Variants in DDR1 observed in about 807,000 individuals in gnomAD.
DDR1 encodes the protein discoidin domain receptor tyrosine kinase 1.
In DDR1, 64 loss-of-function variants were observed where a neutral mutation model predicts 97.4. The ratio of observed to expected loss-of-function variants is 0.66; its 90% CI spans 0.54 to 0.81. The LOEUF is 0.81. DDR1 is among the 30% of genes least tolerant of loss of function. The pLI, the probability that DDR1 is intolerant of heterozygous loss-of-function variation, is 0.00. For missense variants in DDR1, 990 were observed against 1,259.6 expected (o/e 0.79, Z 3.24); for synonymous variants, 458 against 503.7 (o/e 0.91, Z 1.21).
chr6:30,896,781 A>T lies in DDR1; in HGVS notation c.1785A>T (p.Ala595=). ...TYAVPALPPG[A]VGDGPPRVDF... ...CTGTGCCTGCACTGCCCCCAGGGGC[A>T]GTCGGGGATGGGCCCCCCAGAGTGG... Residue 595 remains alanine (A), a synonymous_variant, in exon 13 of 18, where the codon GCA becomes GCT. Transcript: ENST00000376568. 6.3e-7 allele frequency: 1 copy of T among 1,583,204 alleles called. No homozygotes were observed. The highest frequency in any genetic ancestry group is 8.6e-7 in the Non-Finnish European group (1 of 1,163,002).
rs2150386283 is a variant in DDR1 at position 30,894,180 on chromosome 6, A to G, written c.1348-326A>G. Reference sequence around the variant, plus strand: ...ATGAATCTCTTGAACCTGGGAGGCGAAGGTTGCAGTGAGCTGAGATCATGC... The same window carrying G: ...ATGAATCTCTTGAACCTGGGAGGCGGAGGTTGCAGTGAGCTGAGATCATGC... On this transcript the variant is annotated intron_variant, in intron 10 of 17. Coordinates refer to ENST00000376568, the MANE Select transcript of DDR1 (RefSeq NM_001297654.2). This position sits in a 1 kb window ranked among gnomAD's most constrained non-coding sequence, Gnocchi z 5.7. Among the ~76,000 whole-genome samples the G allele has an allele frequency of 6.6e-6, 1 of 152,148 alleles. No individual in the cohort carries two copies. The highest frequency in any genetic ancestry group is 1.9e-4 in the East Asian group (1 of 5,176).
rs2150344205 is a variant in DDR1 at position 30,891,809 on chromosome 6, A to T, written c.666-193A>T. Among the ~76,000 whole-genome samples the T allele has an allele frequency of 6.6e-6, 1 of 152,188 alleles. No homozygotes were observed. On this transcript the variant is annotated intron_variant, in intron 6 of 17. Transcript: ENST00000376568. This position sits in a 1 kb window ranked among gnomAD's most constrained non-coding sequence, Gnocchi z 5.3. Reference sequence around the variant, plus strand: ...TTGTGCTGGATGTGACCTGCAAGGTACCTGTAGTGCTGGGGTGGGGTGGAG... The same window carrying T: ...TTGTGCTGGATGTGACCTGCAAGGTTCCTGTAGTGCTGGGGTGGGGTGGAG...
chr6:30,889,102 A>G lies in DDR1; in HGVS notation c.188+92A>G. The G allele has an allele frequency of 6.3e-7, 1 of 1,577,452 alleles. No individual in the cohort carries two copies. Among genetic ancestry groups the G allele is most frequent in the Non-Finnish European group, 8.7e-7 (1 of 1,148,918 alleles). ...CCAACCCCTCTGCCCATGCCAGTGA[A>G]ACCCCTGCAGGCTGAGGGGGCAAAT... On this transcript the variant is annotated intron_variant, in intron 3 of 17. Transcript: ENST00000376568. This position sits in a 1 kb window ranked among gnomAD's most constrained non-coding sequence, Gnocchi z 4.9.
At position 30,889,727 on chromosome 6, in the gene DDR1, G is replaced by A. The variant is rs1787321624; in HGVS notation, c.417+297G>A. On this transcript the variant is annotated intron_variant, in intron 4 of 17. Coordinates refer to ENST00000376568, the MANE Select transcript of DDR1 (RefSeq NM_001297654.2). This position sits in a 1 kb window ranked among gnomAD's most constrained non-coding sequence, Gnocchi z 4.9. The stretch of plus-strand genomic sequence containing the variant: ...CCAAAGTGCTGGGATTACAAGCACT[G>A]TAGCCAGCCACCTAGATGTCTAATA... Among the ~76,000 whole-genome samples, 1 of 151,648 alleles carries A rather than the reference G, an allele frequency of 6.6e-6. No homozygotes were observed. Among genetic ancestry groups the A allele is most frequent in the Non-Finnish European group, 1.5e-5 (1 of 67,946 alleles).
In DDR1 at chr6:30,885,965, G is replaced by A. The variant is rs149936451; in HGVS notation, c.-43+1255G>A. ...GGTTGTAATGGAGTGGAAGGGGGTG[G>A]GATTGGGGAAGGTCTTCTGGGCTTG... On this transcript the variant is annotated intron_variant, in intron 1 of 17. Transcript: ENST00000376568. Among the ~76,000 whole-genome samples, 5 of 152,180 alleles carry A rather than the reference G, an allele frequency of 3.3e-5. No homozygotes were observed. The East Asian group carries it at 7.7e-4, about 23-fold the overall frequency.
At chr6:30,885,888 A>G in intron 1 of DDR1, 2 of 1,219,890 alleles carry the variant, frequency 1.6e-6, no homozygotes, top group Admixed American at 2.3e-5. Context: ...GGGGGTTGGG[A>G]GAGGAGCGTG....
At position 30,892,341 on chromosome 6, in the gene DDR1, G is replaced by C. The variant is rs138102816; in HGVS notation, c.898G>C (p.Gly300Arg). ...CACGCTGGGAGCCCGTCTGCCTGGC[G>C]GGGTGGAATGTCGCTTCCGGCGTGG... ...MHTLGARLPG[G>R]VECRFRRGPA... is the part of the protein sequence containing the mutation. Residue 300 changes from glycine to arginine, a missense_variant, in exon 8 of 18, where the codon GGG (glycine) becomes CGG (arginine). By Grantham distance (125) the Gly-to-Arg change is moderately radical (BLOSUM62 -2). Coordinates refer to ENST00000376568, the MANE Select transcript of DDR1 (RefSeq NM_001297654.2). 6.3e-7 allele frequency: 1 copy of C among 1,577,694 alleles called. No individual in the cohort carries two copies. The highest frequency in any genetic ancestry group is 1.1e-5 in the South Asian group (1 of 87,146).
chr6:30,894,582 G>A lies in DDR1; in HGVS notation c.1424G>A (p.Arg475His), dbSNP rs748609770. ...VPGDTILINN[R>H]PGPREPPPYQ... ...GGGGACACTATCCTCATCAACAACC[G>A]CCCAGGTCCTAGAGAGCCACCCCCG... Residue 475 changes from arginine to histidine, a missense_variant, in exon 11 of 18, where the codon CGC becomes CAC. Arg to His is a conservative substitution (Grantham distance 29). Coordinates refer to ENST00000376568, the MANE Select transcript of DDR1 (RefSeq NM_001297654.2). This position sits in a 1 kb window ranked among gnomAD's most constrained non-coding sequence, Gnocchi z 5.7. 9.9e-6 allele frequency: 16 copies of A among 1,613,304 alleles called. No individual in the cohort carries two copies. Among genetic ancestry groups the A allele is most frequent in the East Asian group, 2.2e-5 (1 of 44,858 alleles).
In DDR1 at chr6:30,899,820, C is replaced by G. The variant is rs989914920; in HGVS notation, c.*524C>G. The G allele has an allele frequency of 3.5e-5, 13 of 370,946 alleles. No homozygotes were observed. Among genetic ancestry groups the G allele is most frequent in the Non-Finnish European group, 6.6e-5 (13 of 198,304 alleles). The allele number at this position is 370,946 out of a possible 1,614,324, so 23.0% of individuals were successfully genotyped here. Reference sequence around the variant, plus strand: ...TTGTCCTCAGCTTGGGCTTCTTCCTCCTCCATCACCTGAAACACTGGACCT... The same window carrying G: ...TTGTCCTCAGCTTGGGCTTCTTCCTGCTCCATCACCTGAAACACTGGACCT... On this transcript the variant is annotated 3_prime_UTR_variant, in exon 18 of 18. Coordinates refer to ENST00000376568, the MANE Select transcript of DDR1 (RefSeq NM_001297654.2).
rs913896746 is a variant in DDR1, at chr6:30,889,823, C to G, written c.417+393C>G. ...CATTCCCAGCCTAAACCTGCTCCTCCCCTGGCATTCTCCAGCTCAGGAAGT... is the reference window on the plus strand; with the variant it reads ...CATTCCCAGCCTAAACCTGCTCCTCGCCTGGCATTCTCCAGCTCAGGAAGT... On this transcript the variant is annotated intron_variant, in intron 4 of 17. Transcript: ENST00000376568. This position sits in a 1 kb window ranked among gnomAD's most constrained non-coding sequence, Gnocchi z 4.9. Among the ~76,000 whole-genome samples the G allele has an allele frequency of 6.6e-6, 1 of 152,178 alleles. No homozygotes were observed. The highest frequency in any genetic ancestry group is 2.4e-5 in the African/African-American group (1 of 41,428).
rs753959680 is a variant in DDR1 at position 30,898,114 on chromosome 6, G to T, written c.2258G>T (p.Gly753Val). Reference protein sequence around the residue: ...LLHVAAQIASGMRYLATLNFV... With the variant: ...LLHVAAQIASVMRYLATLNFV... ...CATGTGGCAGCCCAGATCGCCTCCG[G>T]CATGCGCTATCTGGCCACACTCAAC... The change falls in exon 16 of 18, where the codon GGC becomes GTC. Residue 753 changes from glycine to valine, a missense_variant. Physicochemically the swap from Gly to Val is moderately radical, Grantham distance 109. Transcript: ENST00000376568. 6.2e-7 allele frequency: 1 copy of T among 1,614,132 alleles called. No homozygotes were observed. The highest frequency in any genetic ancestry group is 8.5e-7 in the Non-Finnish European group (1 of 1,180,046).
At position 30,891,351 on chromosome 6, in the gene DDR1, C is replaced by T. The variant is rs775854466; in HGVS notation, c.566-29C>T. 6.3e-7 allele frequency: 1 copy of T among 1,579,888 alleles called. No individual in the cohort carries two copies. The highest frequency in any genetic ancestry group is 1.1e-5 in the South Asian group (1 of 89,818). On this transcript the variant is annotated intron_variant, in intron 5 of 17. Coordinates refer to ENST00000376568, the MANE Select transcript of DDR1 (RefSeq NM_001297654.2). This position sits in a 1 kb window ranked among gnomAD's most constrained non-coding sequence, Gnocchi z 5.3. ...GATGGGGGATGGAGCCTTAGTGCCT[C>T]TGACCCCCATCCTCTCACCCTGCCC...
chr6:30,893,626 G>C (rs1789515245), intron 10 of DDR1, among the ~76,000 whole-genome samples: 1 of 152,252 alleles, frequency 6.6e-6, no homozygotes, highest in Admixed American at 6.5e-5. Context: ...GCGGAGAGGA[G>C]CAAATACCAC....
rs367606595 is a variant in DDR1 at position 30,891,056 on chromosome 6, C to T, written c.501C>T (p.Tyr167=). ...PPMVARLVRF[Y]PRADRVMSVC... ...TGGTTGCCCGACTGGTTCGCTTCTACCCCCGGGCTGACCGGGTCATGAGCG... is the reference window on the plus strand; with the variant it reads ...TGGTTGCCCGACTGGTTCGCTTCTATCCCCGGGCTGACCGGGTCATGAGCG... The change falls in exon 5 of 18, where the codon TAC becomes TAT. Residue 167 remains tyrosine, a synonymous_variant. Coordinates refer to ENST00000376568, the MANE Select transcript of DDR1 (RefSeq NM_001297654.2). The surrounding 1 kb of genome is among the most constrained non-coding windows in gnomAD (Gnocchi z 5.3). 8.4e-5 allele frequency: 136 copies of T among 1,613,054 alleles called. 1 individual carries two copies. The East Asian group carries it at 2.1e-3, about 25-fold the overall frequency.
rs759659255 is a variant in DDR1, at chr6:30,888,950, C to T, written c.128C>T (p.Pro43Leu). The T allele has an allele frequency of 6.2e-7, 1 of 1,613,034 alleles. No homozygotes were observed. Among genetic ancestry groups the T allele is most frequent in the African/African-American group, 1.3e-5 (1 of 75,008 alleles). The change falls in exon 3 of 18, where the codon CCA becomes CTA. Residue 43 changes from proline to leucine, a missense_variant. Pro to Leu is a moderately conservative substitution (Grantham distance 98). Transcript: ENST00000376568. The surrounding 1 kb of genome is among the most constrained non-coding windows in gnomAD (Gnocchi z 4.2). ...CTGGGCATGCAGGACCGGACCATCC[C>T]AGACAGTGACATCTCTGCTTCCAGC... is the stretch of plus-strand genomic sequence containing the variant. ...YALGMQDRTI[P>L]DSDISASSSW...
chr6:30,888,765 G>T lies in DDR1; in HGVS notation c.36G>T (p.Leu12=). ...GPEALSSLLL[L]LLVASGDADM... ...AGGCCCTGTCATCTTTACTGCTGCTGCTCTTGGTGGCAAGTGGAGATGCTG... is the reference window on the plus strand; with the variant it reads ...AGGCCCTGTCATCTTTACTGCTGCTTCTCTTGGTGGCAAGTGGAGATGCTG... Residue 12 remains leucine, a synonymous_variant, in exon 2 of 18, where the codon CTG becomes CTT. Transcript: ENST00000376568. This position sits in a 1 kb window ranked among gnomAD's most constrained non-coding sequence, Gnocchi z 4.2. 6.2e-7 allele frequency: 1 copy of T among 1,612,980 alleles called. No individual in the cohort carries two copies. Among genetic ancestry groups the T allele is most frequent in the Non-Finnish European group, 8.5e-7 (1 of 1,180,010 alleles).
rs1213975692 is a variant in DDR1 at position 30,894,949 on chromosome 6, C to CCTTTG, written c.1513+284_1513+288dup. Among the ~76,000 whole-genome samples, 3 of 152,086 alleles carry CCTTTG rather than the reference C, an allele frequency of 2.0e-5. No homozygotes were observed. Among genetic ancestry groups the CCTTTG allele is most frequent in the Non-Finnish European group, 4.4e-5 (3 of 68,020 alleles). On this transcript the variant is annotated intron_variant, in intron 11 of 17. Transcript: ENST00000376568. The surrounding 1 kb of genome is among the most constrained non-coding windows in gnomAD (Gnocchi z 5.7). ...ACCCTCTCATTGTGTCTCCCTGGCCCCTTTGCTTTGTATTAGACTCACCAT... is the reference window on the plus strand; with the variant it reads ...ACCCTCTCATTGTGTCTCCCTGGCCCCTTTGCTTTGCTTTGTATTAGACTCACCAT...
chr6:30,894,477 C>A lies in DDR1; in HGVS notation c.1348-29C>A. ...GCCAGGCCGTGTGTGCTGAGCAACA[C>A]GGGTGATGCCTCCCATCCCTATGAC... On this transcript the variant is annotated intron_variant, in intron 10 of 17. Coordinates refer to ENST00000376568, the MANE Select transcript of DDR1 (RefSeq NM_001297654.2). This position sits in a 1 kb window ranked among gnomAD's most constrained non-coding sequence, Gnocchi z 5.7. The A allele has an allele frequency of 2.5e-6, 4 of 1,583,184 alleles. No individual in the cohort carries two copies. The highest frequency in any genetic ancestry group is 3.4e-6 in the Non-Finnish European group (4 of 1,162,664).
At chr6:30,895,252 G>A (rs1005079968) in intron 11 of DDR1, 152 bp from the exon 12 acceptor site, 7 of 603,302 alleles carry the variant, frequency 1.2e-5, no homozygotes, top group East Asian at 8.7e-5. Flanking sequence ...CCAGCCAGCC[G>A]TCCGTCACTC....
Sources: allele counts gnomAD v4.1 joint callset (sites outside exome capture counted in the v4.1 genomes callset), GRCh38; gene constraint gnomAD v4.1.1; non-coding constraint Gnocchi (gnomAD v3.1); transcripts MANE v1.5; gene names NCBI Gene and HGNC (gene_info 2026-07-23, HGNC 2026-07-21).